The following TAS2R1 variants were observed in gnomAD, a reference collection of about 807,000 sequenced individuals.
The protein encoded by TAS2R1 is taste 2 receptor member 1.
For synonymous variants in TAS2R1, 141 were observed against 134.2 expected, an observed-to-expected ratio of 1.05 and a Z score of -0.35; for missense variants, 370 against 353.4, an observed-to-expected ratio of 1.05 and a Z score of -0.38.
At chr5:9,793,542 C>T in the TAS2R1 span, among the ~76,000 whole-genome samples, 1 of 152,130 alleles carries the variant, frequency 6.6e-6, no homozygotes, top group Non-Finnish European at 1.5e-5. Context: ...TTGGAAGACA[C>T]AATAAAATCA....
the TAS2R1 span, among the ~76,000 whole-genome samples, chr5:9,802,507 G>A: frequency 3.3e-5 from 5 of 152,122 alleles, no homozygotes; most frequent in African/African-American, 4.8e-5. Flanking sequence ...CTGCTAATAT[G>A]ACAAAGCACT....
intron 1 of TAS2R1, among the ~76,000 whole-genome samples, chr5:9,679,199 CA>C (rs1053840144): frequency 3.9e-5 from 6 of 152,012 alleles, no homozygotes; most frequent in South Asian, 2.1e-4. Flanking sequence ...TGTCAGGGGA[CA>C]GGGGGAAAGG....
rs1171409076 is a variant in TAS2R1, at chr5:9,660,056, C to CTTTTTTTTTTTT, written c.-241-487_-241-476dup. ...CATTATGGAAAATCCTGAAATATTT[C>CTTTTTTTTTTTT]TTTTTTTTTTTTTTTTTTTTGAGAC... On this transcript the variant is annotated intron_variant, in intron 1 of 2. Coordinates refer to the TAS2R1 transcript ENST00000506620. 1.9e-3 allele frequency: 234 copies of CTTTTTTTTTTTT among 123,106 alleles called. 3 individuals are homozygous for CTTTTTTTTTTTT. Among genetic ancestry groups the CTTTTTTTTTTTT allele is most frequent in the African/African-American group, 7.2e-3 (230 of 32,166 alleles). The allele number at this position is 123,106 out of a possible 1,614,324, so 7.6% of individuals were successfully genotyped here.
intron 1 of TAS2R1, among the ~76,000 whole-genome samples, chr5:9,709,387 G>T (rs1017499110): frequency 6.6e-6 from 1 of 151,760 alleles, no homozygotes; most frequent in African/African-American, 2.4e-5. Flanking sequence ...CTCCTAAAAG[G>T]TCCCTGCCTC....
the TAS2R1 span, among the ~76,000 whole-genome samples, chr5:9,877,356 T>G: frequency 6.6e-6 from 1 of 152,230 alleles, no homozygotes; most frequent in Non-Finnish European, 1.5e-5. Flanking sequence ...TAGAAAACTC[T>G]TTCTATATGG....
chr5:9,719,932 A>C, the TAS2R1 span, among the ~76,000 whole-genome samples: 8 of 140,972 alleles, frequency 5.7e-5, no homozygotes, highest in South Asian at 2.3e-4. Context: ...AAAAAAAAAA[A>C]AAAAAACAAA....
the TAS2R1 span, among the ~76,000 whole-genome samples, chr5:9,791,550 T>C: frequency 6.6e-6 from 1 of 151,986 alleles, no homozygotes; most frequent in African/African-American, 2.4e-5. Flanking sequence ...AATACAAAAA[T>C]TGGCCAGGCA....
the TAS2R1 span, among the ~76,000 whole-genome samples, chr5:9,882,486 C>T: frequency 3.9e-5 from 6 of 152,050 alleles, no homozygotes; most frequent in African/African-American, 1.4e-4. Context: ...ATTAGCTGGA[C>T]ATGGTGGCAG....
At chr5:9,719,939 C>CAA in the TAS2R1 span, among the ~76,000 whole-genome samples, 2 of 91,070 alleles carry the variant, frequency 2.2e-5, no homozygotes, top group African/African-American at 8.8e-5. Flanking sequence ...AAAAAAAAAA[C>CAA]AAAAACAAAA....
chr5:9,685,029 A>G (rs1037100197), intron 1 of TAS2R1, among the ~76,000 whole-genome samples: 3 of 152,144 alleles, frequency 2.0e-5, no homozygotes, highest in Non-Finnish European at 4.4e-5. Flanking sequence ...CAGGGCCTGG[A>G]AGCTCACACA....
At chr5:9,731,939 CTG>C in the TAS2R1 span, among the ~76,000 whole-genome samples, 1 of 152,216 alleles carries the variant, frequency 6.6e-6, no homozygotes, top group African/African-American at 2.4e-5. Flanking sequence ...GTGCTAAACT[CTG>C]GAGTTTAAAC....
At position 9,661,050 on chromosome 5, in the gene TAS2R1, T is replaced by A. The variant is rs148415867; in HGVS notation, c.-241-1469A>T. On this transcript the variant is annotated intron_variant, in intron 1 of 2. Transcript: ENST00000506620. ...GCACTGCCAACATCTTCATTTCAGG[T>A]TAGGGAAATCTGTACTGGATTTAAA... Among the ~76,000 whole-genome samples, 192 of 152,326 alleles carry A rather than the reference T, an allele frequency of 1.3e-3. 2 individuals carry two copies. The highest frequency in any genetic ancestry group is 4.3e-3 in the African/African-American group (179 of 41,570).
chr5:9,877,341 G>A, the TAS2R1 span, among the ~76,000 whole-genome samples: 1 of 152,132 alleles, frequency 6.6e-6, no homozygotes, highest in Non-Finnish European at 1.5e-5. Flanking sequence ...AAAAAGAAGA[G>A]ATTTTAGAAA....
intron 1 of TAS2R1, among the ~76,000 whole-genome samples, chr5:9,685,389 T>C (rs902735627): frequency 2.2e-4 from 33 of 152,068 alleles, no homozygotes; most frequent in African/African-American, 8.0e-4. Flanking sequence ...TTTGGAGAGC[T>C]ATAGATGTAA....
chr5:9,711,918 G>A lies in TAS2R1; in HGVS notation c.-242+254C>T, dbSNP rs949989151. 1.2e-4 allele frequency among the ~76,000 whole-genome samples: 18 copies of A among 151,226 alleles called. 1 individual carries two copies. The East Asian group carries it at 1.6e-3, about 13-fold the overall frequency. Reference sequence around the variant, plus strand: ...TGACCTCAGGCGATGCACCCACCTCGGCCTCCTGAAGTGCTGGGATTACAG... The same window carrying A: ...TGACCTCAGGCGATGCACCCACCTCAGCCTCCTGAAGTGCTGGGATTACAG... On this transcript the variant is annotated intron_variant, in intron 1 of 2. Transcript: ENST00000506620.
the TAS2R1 span, among the ~76,000 whole-genome samples, chr5:9,822,571 G>A: frequency 7.8e-4 from 118 of 151,940 alleles, no homozygotes; most frequent in East Asian, 0.019. Context: ...GGATGCTCTC[G>A]ATCTTCTGAC....
chr5:9,824,629 C>T, the TAS2R1 span, among the ~76,000 whole-genome samples: 1 of 151,910 alleles, frequency 6.6e-6, no homozygotes, highest in African/African-American at 2.4e-5. Flanking sequence ...GGTGGATCAC[C>T]TGAGGTCAGG....
chr5:9,862,460 G>A, the TAS2R1 span, among the ~76,000 whole-genome samples: 55 of 152,172 alleles, frequency 3.6e-4, no homozygotes, highest in East Asian at 1.4e-3. Context: ...GCATCAGACC[G>A]CACAGAGCCC....
At chr5:9,711,289 T>A (rs1734655357) in intron 1 of TAS2R1, among the ~76,000 whole-genome samples, 1 of 152,088 alleles carries the variant, frequency 6.6e-6, no homozygotes, top group Non-Finnish European at 1.5e-5. Flanking sequence ...GGTGAGTGGA[T>A]AAAGAAAATA....
Sources: allele counts gnomAD v4.1 joint callset (sites outside exome capture counted in the v4.1 genomes callset), GRCh38; gene constraint gnomAD v4.1.1; transcripts MANE v1.5; gene names NCBI Gene and HGNC (gene_info 2026-07-23, HGNC 2026-07-21).